PPP4R2: variants seen among roughly 807,000 people sequenced by gnomAD.
PPP4R2 encodes the protein protein phosphatase 4 regulatory subunit 2.
Under a neutral mutation model 47.2 loss-of-function variants are expected in PPP4R2, and 13 were observed. The observed-to-expected ratio is 0.28, with a 90% CI of 0.18 to 0.44. The LOEUF (loss-of-function observed/expected upper bound fraction) is 0.44, where lower values mean the gene tolerates loss of function less well. Among genes scored for constraint, PPP4R2 ranks in the 20% least tolerant of loss-of-function variants. PPP4R2 has a pLI of 1.00. For missense variants in PPP4R2, 421 were observed against 491.2 expected, an observed-to-expected ratio of 0.86 and a Z score of 1.35; for synonymous variants, 151 against 163.3, an observed-to-expected ratio of 0.92 and a Z score of 0.57.
At chr3:73,041,997 A>G (rs1316339290) in intron 2 of PPP4R2, among the ~76,000 whole-genome samples, 1 of 152,220 alleles carries the variant, frequency 6.6e-6, no homozygotes, top group Non-Finnish European at 1.5e-5. Context: ...CCTACAGGAG[A>G]AACTGCAAAA....
At chr3:73,001,019 G>T (rs1425648457) in intron 2 of PPP4R2, among the ~76,000 whole-genome samples, 1 of 152,066 alleles carries the variant, frequency 6.6e-6, no homozygotes, top group Admixed American at 6.6e-5. Flanking sequence ...GACCTTAGTA[G>T]TTTTTGATAG....
intron 2 of PPP4R2, among the ~76,000 whole-genome samples, 174 bp from the exon 3 acceptor site, chr3:73,047,012 G>A (rs1702499939): frequency 6.6e-6 from 1 of 152,136 alleles, no homozygotes; most frequent in East Asian, 1.9e-4. Flanking sequence ...TCAGGATGGA[G>A]CTTGTGATAA....
At chr3:72,997,160 G>T in intron 1 of PPP4R2, 89 bp downstream of exon 1, 1 of 1,100,762 alleles carries the variant, frequency 9.1e-7, no homozygotes, top group Non-Finnish European at 1.2e-6. Context: ...GAGGACCGGG[G>T]CCGGGCGCGG....
intron 2 of PPP4R2, among the ~76,000 whole-genome samples, chr3:73,044,029 A>G (rs1201464916): frequency 3.9e-5 from 6 of 152,196 alleles, no homozygotes; most frequent in Admixed American, 2.6e-4. Context: ...ACTTTGCATA[A>G]TGCCATCAAG....
chr3:73,054,835 G>A (rs556488078), intron 3 of PPP4R2, among the ~76,000 whole-genome samples: 2 of 152,126 alleles, frequency 1.3e-5, no homozygotes, highest in African/African-American at 4.8e-5. Context: ...AGAAATTTAG[G>A]TTAAAATACA....
intron 4 of PPP4R2, among the ~76,000 whole-genome samples, chr3:73,060,411 TC>T (rs1394201723): frequency 6.6e-6 from 1 of 152,178 alleles, no homozygotes; most frequent in African/African-American, 2.4e-5. Context: ...TTGCAGTGTT[TC>T]ATAGTTGTGT....
At chr3:73,017,920 G>GT (rs1701873649) in intron 2 of PPP4R2, among the ~76,000 whole-genome samples, 1 of 152,012 alleles carries the variant, frequency 6.6e-6, no homozygotes, top group Admixed American at 6.6e-5. Flanking sequence ...TAGAGACAGG[G>GT]TTTCACCATG....
intron 2 of PPP4R2, among the ~76,000 whole-genome samples, chr3:73,035,990 A>G (rs966700653): frequency 1.3e-5 from 2 of 152,232 alleles, no homozygotes; most frequent in African/African-American, 4.8e-5. Flanking sequence ...AGTATCTACA[A>G]ATGGATGCAT....
intron 2 of PPP4R2, chr3:73,014,897 T>G: frequency 1.6e-6 from 1 of 641,108 alleles, no homozygotes; most frequent in Non-Finnish European, 2.8e-6. Flanking sequence ...TGAGATGGGG[T>G]CTTGCTGTGT....
rs1266075802 is a variant in PPP4R2, at chr3:73,065,639, A to C, written c.1171A>C (p.Thr391Pro). Residue 391 changes from threonine (T) to proline (P), a missense_variant, in exon 9 of 9, where the codon ACT becomes CCT. This residue lies in a region of PPP4R2 where 317 missense variants were observed against 287.5 expected (regional missense o/e 1.10). Coordinates refer to ENST00000356692, the MANE Select transcript of PPP4R2 (RefSeq NM_174907.4). ...ATTAGTAGGATCCAATTCCAGTAAA[A>C]CTGGAGAGATTCTTTCAGAATCATC... ...EELVGSNSSK[T>P]GEILSESSME... 1 of 1,613,134 alleles carries C rather than the reference A, an allele frequency of 6.2e-7. No homozygotes were observed. The highest frequency in any genetic ancestry group is 8.5e-7 in the Non-Finnish European group (1 of 1,179,314).
intron 3 of PPP4R2, among the ~76,000 whole-genome samples, chr3:73,058,358 A>G (rs1051993363): frequency 6.6e-6 from 1 of 152,084 alleles, no homozygotes; most frequent in East Asian, 1.9e-4. Flanking sequence ...AAAAATACAT[A>G]TATTAAATAA....
At chr3:73,020,419 T>C (rs1181256872) in intron 2 of PPP4R2, among the ~76,000 whole-genome samples, 3 of 152,240 alleles carry the variant, frequency 2.0e-5, no homozygotes, top group Non-Finnish European at 4.4e-5. Flanking sequence ...CCCAACACTT[T>C]GGGAGGCAGA....
chr3:73,039,523 A>G (rs181417138), intron 2 of PPP4R2, among the ~76,000 whole-genome samples: 33 of 152,294 alleles, frequency 2.2e-4, no homozygotes, highest in African/African-American at 7.9e-4. Flanking sequence ...CATAACACAA[A>G]AATAAGCAAA....
chr3:72,998,886 A>C (rs4677219), intron 2 of PPP4R2, among the ~76,000 whole-genome samples: 50,229 of 151,828 alleles, frequency 0.33, 8,804 homozygotes, highest in Non-Finnish European at 0.4. Flanking sequence ...TTCTTTTTGT[A>C]GTCTTTGGGT....
At chr3:73,018,407 C>CGTTATGTTATAT (rs1701885457) in intron 2 of PPP4R2, among the ~76,000 whole-genome samples, 2 of 96,114 alleles carry the variant, frequency 2.1e-5, no homozygotes, top group African/African-American at 9.4e-5. Flanking sequence ...CTGTCATAGT[C>CGTTATGTTATAT]GTTATGTTAT....
At chr3:73,027,674 GTGTGTGTGTGTT>G (rs1702092555) in intron 2 of PPP4R2, 1 of 151,726 alleles carries the variant, frequency 6.6e-6, no homozygotes, top group South Asian at 2.1e-4. Flanking sequence ...GTGTGTGTGT[GTGTGTGTGTGTT>G]TGTGTGTGTG....
At chr3:73,002,392 C>A (rs1701486180) in intron 2 of PPP4R2, among the ~76,000 whole-genome samples, 2 of 152,004 alleles carry the variant, frequency 1.3e-5, no homozygotes, top group African/African-American at 4.8e-5. Flanking sequence ...CTAGGACTTA[C>A]AGATAGGGTA....
chr3:73,004,947 G>A (rs9872525), intron 2 of PPP4R2, among the ~76,000 whole-genome samples: 13 of 3,602 alleles, frequency 3.6e-3, no homozygotes, highest in Non-Finnish European at 6.9e-3. Context: ...TCGGAGTCGT[G>A]TGTGTGTGTG....
chr3:73,043,180 C>G (rs573517641), intron 2 of PPP4R2, among the ~76,000 whole-genome samples: 1 of 152,004 alleles, frequency 6.6e-6, no homozygotes, highest in South Asian at 2.1e-4. Context: ...ATAACTTGCC[C>G]TGGTATGTTT....
Sources: allele counts gnomAD v4.1 joint callset (sites outside exome capture counted in the v4.1 genomes callset), GRCh38; gene constraint gnomAD v4.1.1; regional missense constraint gnomAD v4.1.1; transcripts MANE v1.5; gene names NCBI Gene and HGNC (gene_info 2026-07-23, HGNC 2026-07-21).